Variants in RANBP2 observed in about 807,000 individuals in gnomAD.
The protein encoded by RANBP2 is RAN binding protein 2.
In RANBP2, 57 loss-of-function variants were observed where a neutral mutation model predicts 303.6. The observed-to-expected ratio is 0.19, with a 90% CI of 0.15 to 0.23. RANBP2 has a LOEUF of 0.23. Ranked by LOEUF, RANBP2 falls within the 10% of genes least tolerant of loss-of-function variation. The pLI is 1.00. For synonymous variants in RANBP2, 1,167 were observed against 1,301.5 expected (o/e 0.90, Z 2.23); for missense variants, 3,138 against 3,780.8 (o/e 0.83, Z 4.46).
chr2:109,287,762 C>T, the RANBP2 span, among the ~76,000 whole-genome samples: 1 of 152,182 alleles, frequency 6.6e-6, no homozygotes, highest in Non-Finnish European at 1.5e-5. Flanking sequence ...AGCTTTTTGG[C>T]CCTTCCCTTT....
chr2:108,791,429 G>A, the RANBP2 span: 2 of 476,372 alleles, frequency 4.2e-6, no homozygotes, highest in Non-Finnish European at 3.9e-6. Context: ...ATATACCACA[G>A]GTAGGTATAT....
the RANBP2 span, among the ~76,000 whole-genome samples, chr2:109,251,810 T>C: frequency 6.6e-6 from 1 of 152,218 alleles, no homozygotes; most frequent in Non-Finnish European, 1.5e-5. Flanking sequence ...AAATACCAAA[T>C]ATTTAATATT....
the RANBP2 span, chr2:108,912,694 G>T: frequency 2.5e-6 from 4 of 1,597,974 alleles, no homozygotes; most frequent in Non-Finnish European, 2.6e-6. Flanking sequence ...GGGCGTGCTG[G>T]AAGGGAGACA....
At chr2:109,755,280 A>G in the RANBP2 span, among the ~76,000 whole-genome samples, 1 of 141,174 alleles carries the variant, frequency 7.1e-6, no homozygotes, top group Non-Finnish European at 1.5e-5. Flanking sequence ...CTCAGATTCA[A>G]TAATTCACTG....
chr2:109,740,466 A>G, the RANBP2 span, among the ~76,000 whole-genome samples: 1 of 152,242 alleles, frequency 6.6e-6, no homozygotes, highest in Non-Finnish European at 1.5e-5. Flanking sequence ...AGAACCATCA[A>G]TTACATGAAT....
At chr2:108,818,455 C>T in the RANBP2 span, among the ~76,000 whole-genome samples, 3 of 152,154 alleles carry the variant, frequency 2.0e-5, no homozygotes, top group Non-Finnish European at 4.4e-5. Flanking sequence ...TCAGGATTTA[C>T]AGTTTCTATT....
At chr2:109,131,311 TGGG>T in the RANBP2 span, among the ~76,000 whole-genome samples, 1 of 152,194 alleles carries the variant, frequency 6.6e-6, no homozygotes, top group African/African-American at 2.4e-5. Context: ...GGGGGTCACT[TGGG>T]GGGCACTGCT....
chr2:109,053,829 C>T, the RANBP2 span, among the ~76,000 whole-genome samples: 2 of 152,244 alleles, frequency 1.3e-5, no homozygotes, highest in Non-Finnish European at 1.5e-5. Context: ...GTCCCTCTCC[C>T]ACCCCCTCCC....
chr2:109,188,022 C>G, the RANBP2 span, among the ~76,000 whole-genome samples: 1 of 152,208 alleles, frequency 6.6e-6, no homozygotes, highest in East Asian at 1.9e-4. Flanking sequence ...ATCTCACCTG[C>G]TTGGGTGGAG....
chr2:109,360,297 T>C, the RANBP2 span, among the ~76,000 whole-genome samples: 1 of 152,198 alleles, frequency 6.6e-6, no homozygotes, highest in Non-Finnish European at 1.5e-5. Flanking sequence ...TGTAAGAAAA[T>C]GATTGCTTAT....
chr2:108,755,680 A>G (rs1472547462), intron 17 of RANBP2, among the ~76,000 whole-genome samples: 1 of 151,256 alleles, frequency 6.6e-6, no homozygotes, highest in East Asian at 1.9e-4. Flanking sequence ...GGTGTGAGCC[A>G]CTGTGCCCAG....
chr2:108,860,691 A>G, the RANBP2 span, among the ~76,000 whole-genome samples: 1 of 151,876 alleles, frequency 6.6e-6, no homozygotes, highest in South Asian at 2.1e-4. Context: ...ATGTGCTACT[A>G]GGTTCCGTTT....
chr2:109,096,813 T>G, the RANBP2 span, among the ~76,000 whole-genome samples: 2 of 146,690 alleles, frequency 1.4e-5, no homozygotes, highest in South Asian at 4.3e-4. Flanking sequence ...TTTTTTTTTT[T>G]CAGACCCTAC....
At chr2:109,481,501 C>T in the RANBP2 span, among the ~76,000 whole-genome samples, 106 of 152,232 alleles carry the variant, frequency 7.0e-4, no homozygotes, top group African/African-American at 2.4e-3. Flanking sequence ...AGAACCTCCT[C>T]GGCCTGTTAT....
the RANBP2 span, among the ~76,000 whole-genome samples, chr2:109,469,911 G>A: frequency 1.3e-5 from 2 of 152,188 alleles, no homozygotes; most frequent in Admixed American, 1.3e-4. Context: ...GGGGGTCTGA[G>A]CCTGGACAGC....
At chr2:109,555,097 T>C in the RANBP2 span, among the ~76,000 whole-genome samples, 1 of 152,112 alleles carries the variant, frequency 6.6e-6, no homozygotes, top group Admixed American at 6.5e-5. Flanking sequence ...TTCTAGTTCC[T>C]CTTTCTTTCA....
chr2:109,528,009 G>C, the RANBP2 span, among the ~76,000 whole-genome samples: 1 of 152,242 alleles, frequency 6.6e-6, no homozygotes, highest in Non-Finnish European at 1.5e-5. Context: ...TAGTCTGTGG[G>C]CTGTGCCCAT....
chr2:109,069,693 T>C, the RANBP2 span, among the ~76,000 whole-genome samples: 4 of 152,250 alleles, frequency 2.6e-5, no homozygotes. Flanking sequence ...AACAGATGAA[T>C]GTAAATATTA....
the RANBP2 span, among the ~76,000 whole-genome samples, chr2:108,916,952 C>T: frequency 6.6e-6 from 1 of 152,170 alleles, no homozygotes; most frequent in East Asian, 1.9e-4. Flanking sequence ...TTCAGACTTG[C>T]CCACAGGCCA....
Sources: allele counts gnomAD v4.1 joint callset (sites outside exome capture counted in the v4.1 genomes callset), GRCh38; gene constraint gnomAD v4.1.1; transcripts MANE v1.5; gene names NCBI Gene and HGNC (gene_info 2026-07-23, HGNC 2026-07-21).